VAV1: variants seen among roughly 807,000 people sequenced by gnomAD.
VAV1 encodes vav guanine nucleotide exchange factor 1.
A neutral mutation model predicts 128.1 loss-of-function variants in VAV1; 33 were observed. The observed-to-expected ratio is 0.26, with a 90% CI of 0.20 to 0.34. The LOEUF (loss-of-function observed/expected upper bound fraction) is 0.34. VAV1 is among the 10% of genes least tolerant of loss of function. The pLI is 1.00. For missense variants in VAV1, 715 were observed against 1,093.7 expected (o/e 0.65, Z 4.88); for synonymous variants, 394 against 409.8 (o/e 0.96, Z 0.47).
intron 1 of VAV1, among the ~76,000 whole-genome samples, chr19:6,797,858 C>A (rs1432218337): frequency 6.6e-6 from 1 of 151,968 alleles, no homozygotes; most frequent in Non-Finnish European, 1.5e-5. Flanking sequence ...CCTCCCCCAC[C>A]CACTCCCTAA....
chr19:6,843,157 T>C lies in VAV1; in HGVS notation c.2003T>C (p.Val668Ala). Reference sequence around the variant, plus strand: ...TAGGGCCCTCCTCAGGACCTGTCTGTTCATCTCTGGTGAGTAGAAACATTT... The same window carrying C: ...TAGGGCCCTCCTCAGGACCTGTCTGCTCATCTCTGGTGAGTAGAAACATTT... ...YVHGPPQDLS[V>A]HLWYAGPMER... Residue 668 changes from valine to alanine, a missense_variant, in exon 22 of 27, where the codon GTT becomes GCT. By Grantham distance (64) the Val-to-Ala change is moderately conservative. This residue lies in a region of VAV1 where 407 missense variants were observed against 580.6 expected (regional missense o/e 0.70). Transcript: ENST00000602142. 4 of 1,614,168 alleles carry C rather than the reference T, an allele frequency of 2.5e-6. No individual in the cohort carries two copies. The highest frequency in any genetic ancestry group is 3.4e-6 in the Non-Finnish European group (4 of 1,180,024).
At chr19:6,843,616 G>A (rs186152991) in intron 22 of VAV1, among the ~76,000 whole-genome samples, 2 of 152,170 alleles carry the variant, frequency 1.3e-5, no homozygotes, top group African/African-American at 2.4e-5. Flanking sequence ...ACCTTGGGCC[G>A]GTTACTTAAC....
rs144555386 is a variant in VAV1, at chr19:6,808,040, C to T, written c.205-12662C>T. ...AAAAAGTTAAAAAAAAGGCCGGGCG[C>T]GGTGGCTCAAGCCTATAATCCCAGC... On this transcript the variant is annotated intron_variant, in intron 1 of 26. Coordinates refer to ENST00000602142, the MANE Select transcript of VAV1 (RefSeq NM_005428.4). Among the ~76,000 whole-genome samples the T allele has an allele frequency of 2.8e-3, 411 of 148,846 alleles. 1 individual carries two copies. Among genetic ancestry groups the T allele is most frequent in the Non-Finnish European group, 4.7e-3 (317 of 67,364 alleles).
At chr19:6,847,255 C>G (rs559279554) in intron 22 of VAV1, among the ~76,000 whole-genome samples, 11 of 152,116 alleles carry the variant, frequency 7.2e-5, no homozygotes, top group Non-Finnish European at 1.5e-4. Flanking sequence ...CCATCACTGC[C>G]GTTTAGCTCC....
chr19:6,800,163 A>G (rs1288286273), intron 1 of VAV1, among the ~76,000 whole-genome samples: 2 of 151,898 alleles, frequency 1.3e-5, no homozygotes, highest in Non-Finnish European at 2.9e-5. Flanking sequence ...AAGAAAATGT[A>G]CCAACTTTTC....
intron 1 of VAV1, among the ~76,000 whole-genome samples, chr19:6,786,999 C>T (rs1970906738): frequency 6.7e-6 from 1 of 150,246 alleles, no homozygotes; most frequent in Admixed American, 6.6e-5. Flanking sequence ...ACGGTCAGGC[C>T]CATTTGTTGA....
chr19:6,840,695 C>G (rs554212460), intron 21 of VAV1, among the ~76,000 whole-genome samples: 3 of 151,204 alleles, frequency 2.0e-5, no homozygotes, highest in Non-Finnish European at 4.4e-5. Context: ...GACTCGACCC[C>G]CTAAGCTTAA....
chr19:6,790,276 G>T (rs895000015), intron 1 of VAV1, among the ~76,000 whole-genome samples: 3 of 152,202 alleles, frequency 2.0e-5, no homozygotes, highest in Non-Finnish European at 4.4e-5. Flanking sequence ...TACACTGATT[G>T]CTGGGGTTAC....
chr19:6,775,615 C>T (rs777282437), intron 1 of VAV1, among the ~76,000 whole-genome samples: 21 of 152,222 alleles, frequency 1.4e-4, no homozygotes, highest in Non-Finnish European at 2.5e-4. Context: ...CAGACCCTTT[C>T]CCTCTTCGAG....
At position 6,828,583 on chromosome 19, in the gene VAV1, G is replaced by C. The variant is rs778520862; in HGVS notation, c.1093-39G>C. 6.2e-7 allele frequency: 1 copy of C among 1,613,678 alleles called. No individual in the cohort carries two copies. The highest frequency in any genetic ancestry group is 1.7e-5 in the Admixed American group (1 of 59,996). ...CGGGATTAGGTAGGAGCCTGGGTCG[G>C]CTGTTGGGGGGCCAGGTTCACCCCT... On this transcript the variant is annotated intron_variant, in intron 11 of 26. Coordinates refer to ENST00000602142, the MANE Select transcript of VAV1 (RefSeq NM_005428.4). This position sits in a 1 kb window ranked among gnomAD's most constrained non-coding sequence, Gnocchi z 4.5.
At chr19:6,804,776 T>C (rs547136432) in intron 1 of VAV1, among the ~76,000 whole-genome samples, 61 of 145,468 alleles carry the variant, frequency 4.2e-4, no homozygotes, top group South Asian at 3.3e-3. Flanking sequence ...CAGGCTGGAG[T>C]GCAGTGGCGC....
rs1490374591 is a variant in VAV1, at chr19:6,828,321, A to G, written c.1024-98A>G. On this transcript the variant is annotated intron_variant, in intron 10 of 26. Coordinates refer to ENST00000602142, the MANE Select transcript of VAV1 (RefSeq NM_005428.4). This position sits in a 1 kb window ranked among gnomAD's most constrained non-coding sequence, Gnocchi z 4.5. ...TGTCTCAGCCTCCAGGGTCAGCAGT[A>G]CGATGGAGGAGCTGGTGAGCTAGCA... The G allele has an allele frequency of 6.4e-7, 1 of 1,551,070 alleles. No homozygotes were observed. Among genetic ancestry groups the G allele is most frequent in the African/African-American group, 1.4e-5 (1 of 73,576 alleles).
chr19:6,822,264 A>G lies in VAV1; in HGVS notation c.493A>G (p.Asn165Asp). ...TGAGGACCTGTATGACTGCGTGGAG[A>G]ATGAGGAGGCGGAAGGCGACGAGAT... ...EDEDLYDCVE[N>D]EEAEGDEIYE... The change falls in exon 5 of 27, where the codon AAT becomes GAT. Residue 165 changes from asparagine (N) to aspartate (D), a missense_variant. Physicochemically the swap from Asn to Asp is conservative, Grantham distance 23. Around this residue, in one of 3 missense-constraint regions of VAV1, gnomAD observed 302 missense variants for 477.8 expected, o/e 0.63. Coordinates refer to ENST00000602142, the MANE Select transcript of VAV1 (RefSeq NM_005428.4). This position sits in a 1 kb window ranked among gnomAD's most constrained non-coding sequence, Gnocchi z 5.9. 6.3e-7 allele frequency: 1 copy of G among 1,592,784 alleles called. No homozygotes were observed. The highest frequency in any genetic ancestry group is 1.1e-5 in the South Asian group (1 of 87,198).
At chr19:6,810,284 T>C (rs1277903405) in intron 1 of VAV1, among the ~76,000 whole-genome samples, 1 of 151,966 alleles carries the variant, frequency 6.6e-6, no homozygotes, top group African/African-American at 2.4e-5. Context: ...GGCTGCAGAT[T>C]GCACTACTGC....
chr19:6,795,291 G>T (rs1171892325), intron 1 of VAV1, among the ~76,000 whole-genome samples: 1 of 151,970 alleles, frequency 6.6e-6, no homozygotes, highest in South Asian at 2.1e-4. Flanking sequence ...AAAGGAAGGG[G>T]ATGAGTCATT....
chr19:6,828,244 G>A lies in VAV1; in HGVS notation c.1023+73G>A. The stretch of plus-strand genomic sequence containing the variant: ...TGTCTATAAAAGTGGGGACGGGGCT[G>A]GCTTCTGGGGGTTGGGTCTCTAGGA... On this transcript the variant is annotated intron_variant, in intron 10 of 26. Coordinates refer to ENST00000602142, the MANE Select transcript of VAV1 (RefSeq NM_005428.4). This position sits in a 1 kb window ranked among gnomAD's most constrained non-coding sequence, Gnocchi z 4.5. The A allele has an allele frequency of 1.3e-6, 2 of 1,573,966 alleles. No homozygotes were observed. The highest frequency in any genetic ancestry group is 8.7e-7 in the Non-Finnish European group (1 of 1,150,994).
chr19:6,773,798 T>C (rs1365580445), intron 1 of VAV1, among the ~76,000 whole-genome samples: 3 of 151,928 alleles, frequency 2.0e-5, no homozygotes, highest in Non-Finnish European at 4.4e-5. Flanking sequence ...TGGGTGGGCG[T>C]GTGATGTGGC....
At chr19:6,811,716 T>A (rs78454493) in intron 1 of VAV1, among the ~76,000 whole-genome samples, 1,546 of 152,270 alleles carry the variant, frequency 0.01, 37 homozygotes, top group African/African-American at 0.036. Context: ...TGGAGATCCA[T>A]GAGGTCTCTG....
intron 15 of VAV1, 33 bp from the exon 16 acceptor site, chr19:6,833,151 C>CTT (rs78698684): frequency 5.7e-4 from 811 of 1,417,290 alleles, no homozygotes; most frequent in East Asian, 3.3e-3. Flanking sequence ...TACTGACCTT[C>CTT]TTTTTTTTTT....
Sources: allele counts gnomAD v4.1 joint callset (sites outside exome capture counted in the v4.1 genomes callset), GRCh38; gene constraint gnomAD v4.1.1; regional missense constraint gnomAD v4.1.1; non-coding constraint Gnocchi (gnomAD v3.1); transcripts MANE v1.5; gene names NCBI Gene and HGNC (gene_info 2026-07-23, HGNC 2026-07-21).